TMEFF1: variants seen among roughly 807,000 people sequenced by gnomAD.
TMEFF1 encodes the protein transmembrane protein with EGF like and two follistatin like domains 1.
Under a neutral mutation model 47.5 loss-of-function variants are expected in TMEFF1, and 20 were observed. The observed-to-expected ratio is 0.42, with a 90% CI of 0.30 to 0.61. The LOEUF (loss-of-function observed/expected upper bound fraction) is 0.61. Ranked by LOEUF, TMEFF1 falls within the 20% of genes least tolerant of loss-of-function variation. The pLI is 0.19. For missense variants in TMEFF1, 411 were observed against 471.1 expected (o/e 0.87, Z 1.18); for synonymous variants, 162 against 166.3 (o/e 0.97, Z 0.20).
intron 5 of TMEFF1, among the ~76,000 whole-genome samples, chr9:100,539,068 G>A (rs912608752): frequency 3.3e-5 from 5 of 152,046 alleles, no homozygotes; most frequent in East Asian, 1.9e-4. Context: ...CACCATGCCC[G>A]GCTAATTTTT....
intron 6 of TMEFF1, among the ~76,000 whole-genome samples, chr9:100,548,384 T>G (rs1376955724): frequency 6.6e-6 from 1 of 152,218 alleles, no homozygotes; most frequent in Non-Finnish European, 1.5e-5. Context: ...AAGGAAAAAT[T>G]ATTGCCTTTA....
chr9:100,513,410 T>TTTTTTTTTTTTTTA (rs1564014652), intron 4 of TMEFF1, 77 bp downstream of exon 4: 4 of 1,225,264 alleles, frequency 3.3e-6, no homozygotes, highest in East Asian at 2.9e-5. Context: ...TTTTTTTTTT[T>TTTTTTTTTTTTTTA]AAATCAGCTT....
chr9:100,544,509 G>A (rs7026289), intron 5 of TMEFF1, among the ~76,000 whole-genome samples: 3,488 of 152,214 alleles, frequency 0.023, 147 homozygotes, highest in African/African-American at 0.08. Flanking sequence ...ACCTCCTACC[G>A]GGTTCCTCCC....
At chr9:100,564,436 A>G (rs1483357471) in intron 8 of TMEFF1, among the ~76,000 whole-genome samples, 1 of 152,218 alleles carries the variant, frequency 6.6e-6, no homozygotes, top group Non-Finnish European at 1.5e-5. Context: ...TCTCCCTGAT[A>G]TTGGGGTGTC....
chr9:100,474,268 G>T (rs531706157), intron 1 of TMEFF1, among the ~76,000 whole-genome samples: 1 of 151,984 alleles, frequency 6.6e-6, no homozygotes, highest in East Asian at 2.0e-4. Flanking sequence ...TGGGGGTCGT[G>T]TGGATAAAGG....
At chr9:100,576,381 C>G (rs1174585156) in intron 9 of TMEFF1, 135 bp from the exon 10 acceptor site, 1 of 1,104,996 alleles carries the variant, frequency 9.0e-7, no homozygotes, top group African/African-American at 1.6e-5. Flanking sequence ...CAGATACCAT[C>G]TCATTTCCCT....
At chr9:100,505,121 A>C (rs572257585) in intron 2 of TMEFF1, among the ~76,000 whole-genome samples, 1 of 152,282 alleles carries the variant, frequency 6.6e-6, no homozygotes, top group African/African-American at 2.4e-5. Context: ...GGATTAAAAA[A>C]ATTAAAAGCA....
chr9:100,557,576 C>T lies in TMEFF1; in HGVS notation c.776-3821C>T, dbSNP rs143145969. ...ATTATACCTTCCCTTTGCCTTCCAC[C>T]ATTCCTCTGTCTAAATCTATTTATG... On this transcript the variant is annotated intron_variant, in intron 7 of 9. Coordinates refer to ENST00000374879, the MANE Select transcript of TMEFF1 (RefSeq NM_003692.5). 4.1e-3 allele frequency among the ~76,000 whole-genome samples: 625 copies of T among 152,286 alleles called. 6 individuals are homozygous for T. Among genetic ancestry groups the T allele is most frequent in the African/African-American group, 0.014 (591 of 41,564 alleles).
chr9:100,509,728 C>T (rs972072565), intron 3 of TMEFF1, among the ~76,000 whole-genome samples: 2 of 150,448 alleles, frequency 1.3e-5, no homozygotes, highest in Non-Finnish European at 2.9e-5. Context: ...GAGCCAAGAT[C>T]GCACCACTGT....
chr9:100,476,851 C>CA (rs1837241276), intron 1 of TMEFF1, among the ~76,000 whole-genome samples: 1 of 152,048 alleles, frequency 6.6e-6, no homozygotes, highest in Non-Finnish European at 1.5e-5. Context: ...CACCCGCCAC[C>CA]ATGCCCGGCT....
chr9:100,503,647 C>T (rs531893871), intron 2 of TMEFF1, among the ~76,000 whole-genome samples: 7 of 151,896 alleles, frequency 4.6e-5, no homozygotes, highest in Middle Eastern at 3.2e-3. Flanking sequence ...TCCTACAGTC[C>T]GTCATCTGTA....
In TMEFF1 at chr9:100,494,082, G is replaced by A. The variant is rs568009377; in HGVS notation, c.197-4683G>A. 8.6e-5 allele frequency among the ~76,000 whole-genome samples: 13 copies of A among 152,012 alleles called. No homozygotes were observed. In the South Asian group the frequency reaches 2.7e-3, roughly 32 times the overall value. On this transcript the variant is annotated intron_variant, in intron 1 of 9. Coordinates refer to ENST00000374879, the MANE Select transcript of TMEFF1 (RefSeq NM_003692.5). ...CTGTGTTCCCCCAGCTACTCAGAAGGCTGAGGCCCAGCTATTTGGGAAGCT... is the reference window on the plus strand; with the variant it reads ...CTGTGTTCCCCCAGCTACTCAGAAGACTGAGGCCCAGCTATTTGGGAAGCT...
At position 100,498,041 on chromosome 9, in the gene TMEFF1, T is replaced by G. The variant is rs541605348; in HGVS notation, c.197-724T>G. 5.9e-5 allele frequency among the ~76,000 whole-genome samples: 9 copies of G among 152,284 alleles called. No homozygotes were observed. The South Asian group carries it at 1.9e-3, about 32-fold the overall frequency. On this transcript the variant is annotated intron_variant, in intron 1 of 9. Transcript: ENST00000374879. ...GTGATTTTCACCCACTTTCACTGAT[T>G]GGCAGCTTCAAGCACTAACCTTGAA...
intron 1 of TMEFF1, among the ~76,000 whole-genome samples, chr9:100,482,255 C>A (rs534347478): frequency 6.8e-6 from 1 of 148,140 alleles, no homozygotes; most frequent in Non-Finnish European, 1.5e-5. Flanking sequence ...TGGAGTGCAG[C>A]GGCTTGATCT....
chr9:100,509,643 G>A (rs144678439), intron 3 of TMEFF1, among the ~76,000 whole-genome samples: 340 of 152,006 alleles, frequency 2.2e-3, no homozygotes, highest in Middle Eastern at 0.01. Context: ...GTGTGGTGGC[G>A]GGCACCTGTA....
chr9:100,570,721 G>C (rs1209569119), intron 8 of TMEFF1, among the ~76,000 whole-genome samples: 1 of 151,740 alleles, frequency 6.6e-6, no homozygotes, highest in Admixed American at 6.6e-5. Flanking sequence ...GGAACCTCAG[G>C]GACTGGATTG....
chr9:100,502,745 T>A (rs1837788458), intron 2 of TMEFF1, among the ~76,000 whole-genome samples: 1 of 152,204 alleles, frequency 6.6e-6, no homozygotes, highest in South Asian at 2.1e-4. Context: ...TTTTAAAAAA[T>A]ATACTTGAAC....
At chr9:100,527,017 A>G (rs1838271368) in intron 5 of TMEFF1, among the ~76,000 whole-genome samples, 1 of 150,922 alleles carries the variant, frequency 6.6e-6, no homozygotes, top group Non-Finnish European at 1.5e-5. Flanking sequence ...GTGGCACATA[A>G]CTGTAATTCC....
At chr9:100,553,910 A>G (rs1838870913) in intron 7 of TMEFF1, among the ~76,000 whole-genome samples, 1 of 152,208 alleles carries the variant, frequency 6.6e-6, no homozygotes, top group Non-Finnish European at 1.5e-5. Context: ...TACTTCACAT[A>G]TACCACATCT....
Sources: gnomAD v4.1 joint callset for allele counts (sites outside exome capture counted in the v4.1 genomes callset) on GRCh38, gnomAD v4.1.1 for gene constraint, MANE v1.5 for transcripts, NCBI Gene and HGNC (gene_info 2026-07-23, HGNC 2026-07-21) for gene names.